IFT27: variants seen among roughly 807,000 people sequenced by gnomAD.
The protein encoded by IFT27 is intraflagellar transport protein 27 homolog.
Under a neutral mutation model 23.9 loss-of-function variants are expected in IFT27, and 19 were observed. The observed-to-expected ratio is 0.79, with a 90% confidence interval of 0.55 to 1.16. The LOEUF is 1.16. IFT27 is among the 50% of genes most tolerant of loss of function. The probability of loss-of-function intolerance (pLI) is 0.00; values close to 1 mark genes in which losing one functional copy is unlikely to be tolerated. For synonymous variants in IFT27, 91 were observed against 89.1 expected, an observed-to-expected ratio of 1.02 and a Z score of -0.12; for missense variants, 206 against 228.7, an observed-to-expected ratio of 0.90 and a Z score of 0.64.
At chr22:36,771,147 C>T (rs778910401) in intron 1 of IFT27, among the ~76,000 whole-genome samples, 3 of 152,212 alleles carry the variant, frequency 2.0e-5, no homozygotes, top group African/African-American at 4.8e-5. Flanking sequence ...CAGAGATCCA[C>T]ACCTTGGCTC....
chr22:36,767,874 G>A lies in IFT27; in HGVS notation c.35-12C>T. The A allele has an allele frequency of 6.2e-7, 1 of 1,610,994 alleles. No homozygotes were observed. Among genetic ancestry groups the A allele is most frequent in the Non-Finnish European group, 8.5e-7 (1 of 1,177,124 alleles). On this transcript the variant is annotated splice_polypyrimidine_tract_variant and intron_variant, in intron 1 of 6. Coordinates refer to ENST00000433985, the MANE Select transcript of IFT27 (RefSeq NM_001177701.3). ...CACTGCTGGGTCTCCTGTGAGATCA[G>A]AAAAGAAGAAAAAGAACGCCTTAGT...
intron 1 of IFT27, among the ~76,000 whole-genome samples, chr22:36,773,695 C>T (rs1390789160): frequency 2.6e-5 from 4 of 151,496 alleles, no homozygotes; most frequent in Admixed American, 6.6e-5. Flanking sequence ...CAGAGGAGCA[C>T]TACTTGAGGA....
intron 4 of IFT27, 87 bp from the exon 5 acceptor site, chr22:36,764,123 G>C (rs1938177044): frequency 2.3e-6 from 2 of 888,566 alleles, no homozygotes. Context: ...CCAAGGGAAA[G>C]GGTATGGGGA....
chr22:36,774,830 G>T (rs1477629714), intron 1 of IFT27, among the ~76,000 whole-genome samples: 1 of 150,738 alleles, frequency 6.6e-6, no homozygotes, highest in Non-Finnish European at 1.5e-5. Flanking sequence ...AAAAAAAAAA[G>T]AAAAACAATC....
intron 4 of IFT27, among the ~76,000 whole-genome samples, chr22:36,765,299 G>A (rs540303096): frequency 2.8e-4 from 43 of 152,286 alleles, no homozygotes; most frequent in Non-Finnish European, 2.5e-4. Context: ...AGTCAGGGCC[G>A]GCTGGAGGGG....
At chr22:36,772,367 T>A (rs1053269726) in intron 1 of IFT27, 2 of 346,538 alleles carry the variant, frequency 5.8e-6, no homozygotes, top group East Asian at 1.7e-4. Context: ...AGCTGCAACA[T>A]GTATAACCTA....
intron 4 of IFT27, 117 bp from the exon 5 acceptor site, chr22:36,764,153 G>T (rs1172785604): frequency 6.0e-5 from 43 of 721,760 alleles, no homozygotes; most frequent in Non-Finnish European, 7.2e-5. Context: ...AACAAGAAAC[G>T]AAAACAGCCA....
At chr22:36,772,542 T>C (rs993992184) in intron 1 of IFT27, 2 of 985,426 alleles carry the variant, frequency 2.0e-6, no homozygotes, top group South Asian at 4.7e-5. Context: ...CCAGAACAAG[T>C]AGCAGCTGTG....
intron 4 of IFT27, 142 bp downstream of exon 4, chr22:36,765,996 T>TG: frequency 2.7e-6 from 2 of 742,780 alleles, no homozygotes; most frequent in Admixed American, 2.0e-5. Context: ...AGTCCTGGGC[T>TG]GGGAGGAATG....
At chr22:36,764,361 A>C (rs1218935360) in intron 4 of IFT27, among the ~76,000 whole-genome samples, 1 of 152,230 alleles carries the variant, frequency 6.6e-6, no homozygotes, top group African/African-American at 2.4e-5. Context: ...AGCTGAAGAA[A>C]CCAAATTCAG....
intron 3 of IFT27, chr22:36,766,997 C>T: frequency 4.8e-6 from 1 of 207,422 alleles, no homozygotes; most frequent in Non-Finnish European, 9.6e-6. Context: ...TCTAGAAAAG[C>T]ACACACAAAC....
In IFT27 at chr22:36,763,005, C is replaced by A; in HGVS notation, c.361G>T (p.Val121Phe). Residue 121 changes from valine to phenylalanine, a missense_variant, in exon 6 of 7, where the codon GTT (valine) becomes TTT (phenylalanine). Coordinates refer to ENST00000433985, the MANE Select transcript of IFT27 (RefSeq NM_001177701.3). ...APGISLPGVLVGNKTDLAGRR... is the reference protein window; with the variant it reads ...APGISLPGVLFGNKTDLAGRR... ...CCGGCCAGGTCTGTCTTGTTCCCAACTAAAACACCTACTCAGAAGAAACAA... is the reference window on the plus strand; with the variant it reads ...CCGGCCAGGTCTGTCTTGTTCCCAAATAAAACACCTACTCAGAAGAAACAA... 1 of 1,597,690 alleles carries A rather than the reference C, an allele frequency of 6.3e-7. No homozygotes were observed. Among genetic ancestry groups the A allele is most frequent in the Non-Finnish European group, 8.5e-7 (1 of 1,170,360 alleles).
intron 6 of IFT27, chr22:36,760,138 C>T (rs931176149): frequency 6.6e-6 from 1 of 152,268 alleles, no homozygotes; most frequent in Admixed American, 6.5e-5. Context: ...TTCAGTACAT[C>T]CTGCCGGGCC....
At chr22:36,773,829 C>T (rs1297706228) in intron 1 of IFT27, among the ~76,000 whole-genome samples, 1 of 152,088 alleles carries the variant, frequency 6.6e-6, no homozygotes, top group African/African-American at 2.4e-5. Context: ...CCTCAGTTGC[C>T]TCATCTGTAA....
chr22:36,769,167 A>G (rs1044034241), intron 1 of IFT27, among the ~76,000 whole-genome samples: 19 of 152,164 alleles, frequency 1.2e-4, no homozygotes, highest in African/African-American at 4.1e-4. Flanking sequence ...TTAGAAGGGA[A>G]CCAATATGTG....
Position 36,762,965 on chromosome 22 carries a change from T to A in IFT27, c.401A>T (p.Asp134Val). 7 of 1,606,590 alleles carry A rather than the reference T, an allele frequency of 4.4e-6. No individual in the cohort carries two copies. The highest frequency in any genetic ancestry group is 6.0e-6 in the Non-Finnish European group (7 of 1,175,702). Residue 134 changes from aspartate (D) to valine (V), a missense_variant, in exon 6 of 7, where the codon GAC (aspartate) becomes GTC (valine). Coordinates refer to ENST00000433985, the MANE Select transcript of IFT27 (RefSeq NM_001177701.3). ...KTDLAGRRAV[D>V]SAEARAWALG... ...CGCCCATGCCCGGGCCTCAGCTGAG[T>A]CCACTGCTCGTCTGCCGGCCAGGTC...
chr22:36,768,075 C>T (rs374537785), intron 1 of IFT27: 44 of 676,118 alleles, frequency 6.5e-5, no homozygotes, highest in African/African-American at 2.1e-4. Flanking sequence ...CACTTCTGCA[C>T]GGCTAAGCCT....
chr22:36,771,853 G>A (rs1282062649), intron 1 of IFT27, among the ~76,000 whole-genome samples: 3 of 152,114 alleles, frequency 2.0e-5, no homozygotes, highest in Non-Finnish European at 2.9e-5. Flanking sequence ...GGACCCCCAT[G>A]ACACAGTGCC....
intron 4 of IFT27, among the ~76,000 whole-genome samples, chr22:36,764,419 C>T (rs1488168422): frequency 3.3e-5 from 5 of 152,248 alleles, no homozygotes; most frequent in Non-Finnish European, 5.9e-5. Flanking sequence ...AAAACAAAGA[C>T]AACGATGACA....
Sources: allele counts gnomAD v4.1 joint callset (sites outside exome capture counted in the v4.1 genomes callset), GRCh38; gene constraint gnomAD v4.1.1; transcripts MANE v1.5; gene names NCBI Gene and HGNC (gene_info 2026-07-23, HGNC 2026-07-21).